MYO3B: variants seen among roughly 807,000 people sequenced by gnomAD.
MYO3B encodes myosin IIIB.
A neutral mutation model predicts 174.6 loss-of-function variants in MYO3B; 156 were observed. The ratio of observed to expected loss-of-function variants is 0.89; its 90% CI spans 0.78 to 1.02. MYO3B has a LOEUF of 1.02. Among genes scored for constraint, MYO3B ranks in the 50% least tolerant of loss-of-function variants. The pLI, the probability that MYO3B is intolerant of heterozygous loss-of-function variation, is 0.00. For synonymous variants in MYO3B, 563 were observed against 569.1 expected (o/e 0.99, Z 0.15); for missense variants, 1,632 against 1,639.4 (o/e 1.00, Z 0.08).
chr2:170,527,836 T>C (rs1411585435), intron 30 of MYO3B, among the ~76,000 whole-genome samples: 1 of 152,246 alleles, frequency 6.6e-6, no homozygotes, highest in Non-Finnish European at 1.5e-5. Context: ...CTCTTATTAC[T>C]GTATCCCACA....
chr2:170,365,824 G>C (rs1298198777), intron 8 of MYO3B, among the ~76,000 whole-genome samples: 2 of 152,100 alleles, frequency 1.3e-5, no homozygotes, highest in Non-Finnish European at 2.9e-5. Context: ...AATTTAACTT[G>C]AGCATACCCT....
At chr2:170,648,939 T>A (rs1318304084) in intron 32 of MYO3B, among the ~76,000 whole-genome samples, 1 of 104,076 alleles carries the variant, frequency 9.6e-6, no homozygotes, top group Non-Finnish European at 1.7e-5. Flanking sequence ...ATATGATATA[T>A]AATATATATA....
intron 7 of MYO3B, among the ~76,000 whole-genome samples, chr2:170,269,433 C>T (rs990648300): frequency 2.0e-5 from 3 of 152,044 alleles, no homozygotes; most frequent in African/African-American, 7.2e-5. Flanking sequence ...TTTTTCCCCA[C>T]CTATCAGAGT....
intron 3 of MYO3B, among the ~76,000 whole-genome samples, chr2:170,208,317 C>T (rs1165509655): frequency 6.6e-6 from 1 of 152,170 alleles, no homozygotes; most frequent in Admixed American, 6.5e-5. Flanking sequence ...CCTCCTCCAA[C>T]AAGGGAGAGA....
At chr2:170,360,296 C>G (rs1470880468) in intron 8 of MYO3B, among the ~76,000 whole-genome samples, 3 of 152,064 alleles carry the variant, frequency 2.0e-5, no homozygotes, top group Admixed American at 1.3e-4. Flanking sequence ...GCATTTAAGC[C>G]TGGACTAAGA....
In MYO3B at chr2:170,401,567, C is replaced by A; in HGVS notation, c.2005C>A (p.Arg669Ser). 1.9e-6 allele frequency: 3 copies of A among 1,614,160 alleles called. No homozygotes were observed. Among genetic ancestry groups the A allele is most frequent in the Non-Finnish European group, 2.5e-6 (3 of 1,180,034 alleles). The change falls in exon 18 of 35, where the codon CGT (arginine) becomes AGT (serine). Residue 669 changes from arginine to serine, a missense_variant. By Grantham distance (110) the Arg-to-Ser change is moderately radical (BLOSUM62 -1). Coordinates refer to ENST00000408978, the MANE Select transcript of MYO3B (RefSeq NM_138995.5). ...GGTCACCCGGGGCGAGACCATCATC[C>A]GTGCCAACACTGTAGACAGGGCTGC... The part of the protein sequence containing the change: ...CVVTRGETII[R>S]ANTVDRAADV...
Position 170,387,235 on chromosome 2 carries a change from C to G in MYO3B, c.1504C>G (p.Pro502Ala). 1 of 1,614,110 alleles carries G rather than the reference C, an allele frequency of 6.2e-7. No homozygotes were observed. The highest frequency in any genetic ancestry group is 8.5e-7 in the Non-Finnish European group (1 of 1,179,994). ...FGKYLEMMFT[P>A]TGVVMGARIS... ...AAAATATCTGGAAATGATGTTTACA[C>G]CAACTGGAGTTGTGATGGGGGCAAG... Residue 502 changes from proline (P) to alanine (A), a missense_variant, in exon 14 of 35, where the codon CCA becomes GCA. Pro to Ala is a conservative substitution (Grantham distance 27). Coordinates refer to ENST00000408978, the MANE Select transcript of MYO3B (RefSeq NM_138995.5).
intron 32 of MYO3B, among the ~76,000 whole-genome samples, chr2:170,651,034 C>A (rs1027670026): frequency 2.6e-5 from 4 of 152,144 alleles, no homozygotes; most frequent in Non-Finnish European, 5.9e-5. Flanking sequence ...TCAGGACAAA[C>A]AGGGAGAGAC....
intron 30 of MYO3B, among the ~76,000 whole-genome samples, chr2:170,536,218 T>C (rs1384750417): frequency 1.3e-5 from 2 of 152,172 alleles, no homozygotes; most frequent in African/African-American, 4.8e-5. Context: ...CTCAGTGGGA[T>C]TTGAGAAATT....
At chr2:170,266,206 T>C (rs910005698) in intron 7 of MYO3B, among the ~76,000 whole-genome samples, 1 of 152,220 alleles carries the variant, frequency 6.6e-6, no homozygotes, top group African/African-American at 2.4e-5. Context: ...TGCAGCCTCA[T>C]GTATATAGCT....
intron 32 of MYO3B, among the ~76,000 whole-genome samples, chr2:170,629,182 G>A (rs764545758): frequency 1.3e-5 from 2 of 152,216 alleles, no homozygotes; most frequent in African/African-American, 2.4e-5. Flanking sequence ...CAAAAGTTTA[G>A]GATTGGATGA....
intron 7 of MYO3B, among the ~76,000 whole-genome samples, chr2:170,326,017 T>G (rs2093864203): frequency 6.6e-6 from 1 of 152,148 alleles, no homozygotes. Flanking sequence ...TCTTTTAAAA[T>G]AACTTGCCAC....
intron 8 of MYO3B, among the ~76,000 whole-genome samples, chr2:170,342,592 T>A (rs2105565633): frequency 6.6e-6 from 1 of 152,226 alleles, no homozygotes; most frequent in South Asian, 2.1e-4. Context: ...GGGGCTAGAG[T>A]AGTATCGCTG....
At chr2:170,259,279 C>T (rs528448986) in intron 7 of MYO3B, among the ~76,000 whole-genome samples, 1 of 152,156 alleles carries the variant, frequency 6.6e-6, no homozygotes, top group Admixed American at 6.5e-5. Context: ...AAAAAGAACA[C>T]AGCCAGAGGC....
chr2:170,283,516 A>T (rs1175442326), intron 7 of MYO3B, among the ~76,000 whole-genome samples: 1 of 152,172 alleles, frequency 6.6e-6, no homozygotes, highest in Non-Finnish European at 1.5e-5. Context: ...TATAGTGTTT[A>T]AATTTTATGA....
chr2:170,339,948 C>G (rs1034756286), intron 8 of MYO3B, among the ~76,000 whole-genome samples: 1 of 152,166 alleles, frequency 6.6e-6, no homozygotes, highest in African/African-American at 2.4e-5. Flanking sequence ...ATTATCAGCC[C>G]TTTCCCCTAC....
At chr2:170,457,088 A>C (rs1683950848) in intron 23 of MYO3B, among the ~76,000 whole-genome samples, 2 of 152,194 alleles carry the variant, frequency 1.3e-5, no homozygotes, top group African/African-American at 2.4e-5. Flanking sequence ...TAAAAATGGC[A>C]CACCTGCATA....
At chr2:170,279,823 TCC>T (rs1475921894) in intron 7 of MYO3B, among the ~76,000 whole-genome samples, 2 of 152,206 alleles carry the variant, frequency 1.3e-5, no homozygotes, top group African/African-American at 4.8e-5. Context: ...TGTATAGTAT[TCC>T]GTGGTGTATA....
intron 30 of MYO3B, among the ~76,000 whole-genome samples, chr2:170,522,349 T>C (rs1688722706): frequency 6.6e-6 from 1 of 152,166 alleles, no homozygotes; most frequent in Non-Finnish European, 1.5e-5. Flanking sequence ...ATGATTGACA[T>C]AAACACTGTC....
Sources: allele counts gnomAD v4.1 joint callset (sites outside exome capture counted in the v4.1 genomes callset), GRCh38; gene constraint gnomAD v4.1.1; transcripts MANE v1.5; gene names NCBI Gene and HGNC (gene_info 2026-07-23, HGNC 2026-07-21).